The following MMP28 variants were observed in gnomAD, a reference collection of about 807,000 sequenced individuals.
MMP28 encodes matrix metalloproteinase-28.
In MMP28, 55 loss-of-function variants were observed where a neutral mutation model predicts 60.5. The observed-to-expected ratio is 0.91, with a 90% CI of 0.73 to 1.14. The LOEUF is 1.14. Ranked by LOEUF, MMP28 falls within the 50% of genes most tolerant of loss-of-function variation. The pLI is 0.00. For synonymous variants in MMP28, 318 were observed against 312.5 expected (o/e 1.02, Z -0.18); for missense variants, 686 against 738.3 (o/e 0.93, Z 0.82).
chr17:35,774,976 T>C (rs1013511618), intron 3 of MMP28, among the ~76,000 whole-genome samples: 1 of 152,172 alleles, frequency 6.6e-6, no homozygotes, highest in African/African-American at 2.4e-5. Context: ...AAACCTCTAA[T>C]CCATTAGCAT....
chr17:35,756,357 TTC>T, exon 3 of MMP28: 2 of 983,112 alleles, frequency 2.0e-6, no homozygotes, highest in Non-Finnish European at 2.4e-6. Flanking sequence ...TTCTTGTTGC[TTC>T]TTTAGGCCGT....
chr17:35,758,469 A>G lies in MMP28; in HGVS notation c.266-2050T>C, dbSNP rs1216566382. The G allele has an allele frequency of 3.3e-5, 5 of 152,348 alleles. No individual in the cohort carries two copies. The Middle Eastern group carries it at 0.01, about 311-fold the overall frequency. 9.4% of individuals were successfully genotyped at this position (152,348 alleles called of 1,614,324 possible). ...CACTTTGGGAAGTCGAGGCAGGCAG[A>G]TCACTTGAGGTCAGGAGTTCAAGAC... On this transcript the variant is annotated intron_variant, in intron 2 of 2. Transcript: ENST00000615317.
At chr17:35,768,529 G>T in intron 5 of MMP28, 150 bp from the exon 6 acceptor site, 1 of 622,470 alleles carries the variant, frequency 1.6e-6, no homozygotes. Context: ...AGTTGTTCCT[G>T]GGCCAGGAAT....
In MMP28 at chr17:35,765,945, T is replaced by TC; in HGVS notation, c.*554dup. On this transcript the variant is annotated 3_prime_UTR_variant, in exon 8 of 8. Coordinates refer to ENST00000605424, the MANE Select transcript of MMP28 (RefSeq NM_024302.5). Reference sequence around the variant, plus strand: ...AAAGCCAGGGACTGGTAGGCCTGCATCAGTCTCCCTCCCACTCTGTGTCCT... The same window carrying TC: ...AAAGCCAGGGACTGGTAGGCCTGCATCCAGTCTCCCTCCCACTCTGTGTCCT... 1.0e-6 allele frequency: 1 copy of TC among 985,394 alleles called. No homozygotes were observed. Among genetic ancestry groups the TC allele is most frequent in the Non-Finnish European group, 1.2e-6 (1 of 829,916 alleles). 61.0% of individuals were successfully genotyped at this position (985,394 alleles called of 1,614,324 possible).
In MMP28 at chr17:35,770,115, C is replaced by G; in HGVS notation, c.802G>C (p.Asp268His). The G allele has an allele frequency of 6.2e-7, 1 of 1,604,992 alleles. No homozygotes were observed. The highest frequency in any genetic ancestry group is 8.5e-7 in the Non-Finnish European group (1 of 1,176,512). Residue 268 changes from aspartate to histidine, a missense_variant, in exon 5 of 8, where the codon GAC (aspartate) becomes CAC (histidine). Physicochemically the swap from Asp to His is moderately conservative, Grantham distance 81. Coordinates refer to ENST00000605424, the MANE Select transcript of MMP28 (RefSeq NM_024302.5). ...ACGTCGTCCCAGCTGAGCAGCGCGT[C>G]GCGGCCCAGCCTCTTGTAGTAGGGC... ...MAPYYKRLGR[D>H]ALLSWDDVLA...
downstream of MMP28, chr17:35,761,098 A>ATT: frequency 4.2e-6 from 3 of 711,482 alleles, no homozygotes; most frequent in Non-Finnish European, 6.2e-6. Flanking sequence ...CGCCTTCCTG[A>ATT]ATTTTTTTTT....
intron 1 of MMP28, among the ~76,000 whole-genome samples, chr17:35,793,729 G>T (rs949936315): frequency 6.6e-6 from 1 of 152,162 alleles, no homozygotes; most frequent in Non-Finnish European, 1.5e-5. Flanking sequence ...TCAACGGGCA[G>T]TTTGAGGGCA....
chr17:35,779,072 C>T lies in MMP28; in HGVS notation c.195G>A (p.Ala65=), dbSNP rs184976878. ...TSTRFSDAIR[A]FQWVSQLPVS... ...CAGGTAGCTGGGACACCCACTGAAA[C>T]GCTCTGTCAGGAGGAAAGGACCGCA... Residue 65 remains alanine, a synonymous_variant, in exon 3 of 8, where the codon GCG becomes GCA. Coordinates refer to ENST00000605424, the MANE Select transcript of MMP28 (RefSeq NM_024302.5). 1.6e-4 allele frequency: 264 copies of T among 1,613,728 alleles called. 2 individuals carry two copies. Among genetic ancestry groups the T allele is most frequent in the East Asian group, 1.2e-3 (53 of 44,870 alleles).
intron 3 of MMP28, 121 bp from the exon 4 acceptor site, chr17:35,773,525 GAC>G (rs1380461919): frequency 5.5e-6 from 5 of 903,698 alleles, no homozygotes; most frequent in Non-Finnish European, 5.0e-6. Context: ...TGACGGGGAA[GAC>G]ACAGTTTTTG....
Position 35,767,735 on chromosome 17 carries a change from T to G in MMP28, c.1168+17A>C. 1 of 1,551,828 alleles carries G rather than the reference T, an allele frequency of 6.4e-7. No homozygotes were observed. Among genetic ancestry groups the G allele is most frequent in the Non-Finnish European group, 8.7e-7 (1 of 1,147,428 alleles). On this transcript the variant is annotated intron_variant, in intron 7 of 7. Transcript: ENST00000605424. ...CTCTCTAGGGCTCAGTTTTCCCCGCTGCCCCAGAGCCAGTACCTTTGAAGA... is the reference window on the plus strand; with the variant it reads ...CTCTCTAGGGCTCAGTTTTCCCCGCGGCCCCAGAGCCAGTACCTTTGAAGA...
At chr17:35,764,715 T>C, downstream of MMP28, 1 of 1,344,156 alleles carries the variant, frequency 7.4e-7, no homozygotes, top group Middle Eastern at 2.6e-4. Context: ...CTTCGACGCA[T>C]TCCGCAGGAC....
downstream of MMP28, chr17:35,761,081 C>T: frequency 2.2e-6 from 2 of 926,896 alleles, no homozygotes; most frequent in African/African-American, 1.7e-5. Context: ...TGCAAGCCCT[C>T]TCCTTTCGCC....
intron 2 of MMP28, chr17:35,757,481 CAAGG>C (rs1392495604): frequency 2.6e-5 from 4 of 152,134 alleles, no homozygotes; most frequent in African/African-American, 9.7e-5. Context: ...CAAGAGGAGA[CAAGG>C]AAGGCAAAGA....
At chr17:35,773,709 A>G (rs538254595) in intron 3 of MMP28, among the ~76,000 whole-genome samples, 5 of 152,320 alleles carry the variant, frequency 3.3e-5, no homozygotes, top group African/African-American at 1.2e-4. Flanking sequence ...CCCAATCTGA[A>G]GAAGTCTGTC....
intron 1 of MMP28, among the ~76,000 whole-genome samples, chr17:35,794,961 T>C (rs2086924801): frequency 1.3e-5 from 2 of 151,976 alleles, no homozygotes. Flanking sequence ...CCAGCCTAGG[T>C]GGTGAGGGAG....
chr17:35,761,040 C>G (rs2085807090), downstream of MMP28: 1 of 1,434,020 alleles, frequency 7.0e-7, no homozygotes, highest in African/African-American at 1.5e-5. Flanking sequence ...CCATGAAGTC[C>G]AACCTTTTCT....
At chr17:35,761,502 C>G (rs1555601510), downstream of MMP28, among the ~76,000 whole-genome samples, 1 of 152,050 alleles carries the variant, frequency 6.6e-6, no homozygotes, top group East Asian at 1.9e-4. Context: ...CAGTCTCAAC[C>G]TCCCAGGCAC....
intron 1 of MMP28, among the ~76,000 whole-genome samples, chr17:35,789,848 G>A (rs549628796): frequency 2.0e-5 from 3 of 149,642 alleles, no homozygotes; most frequent in South Asian, 2.1e-4. Flanking sequence ...TGCAACCTCC[G>A]CCTCCTGGTT....
intron 1 of MMP28, among the ~76,000 whole-genome samples, chr17:35,789,641 C>T (rs2086751952): frequency 6.6e-6 from 1 of 152,066 alleles, no homozygotes; most frequent in Non-Finnish European, 1.5e-5. Flanking sequence ...TCTGAATCAA[C>T]TCATGGGTAA....
Sources: gnomAD v4.1 joint callset for allele counts (sites outside exome capture counted in the v4.1 genomes callset) on GRCh38, gnomAD v4.1.1 for gene constraint, MANE v1.5 for transcripts, NCBI Gene and HGNC (gene_info 2026-07-23, HGNC 2026-07-21) for gene names.